PLXDC2: variants seen among roughly 807,000 people sequenced by gnomAD.
PLXDC2 encodes plexin domain containing 2, also known as plexin domain-containing protein 2.
A neutral mutation model predicts 68.9 loss-of-function variants in PLXDC2; 40 were observed. The observed-to-expected ratio is 0.58, with a 90% CI of 0.45 to 0.76. The LOEUF is 0.76. Ranked by LOEUF, PLXDC2 falls within the 30% of genes least tolerant of loss-of-function variation. The pLI, the probability that PLXDC2 is intolerant of heterozygous loss-of-function variation, is 0.00. For missense variants in PLXDC2, 644 were observed against 661.9 expected (o/e 0.97, Z 0.30); for synonymous variants, 243 against 234.2 (o/e 1.04, Z -0.34).
chr10:19,998,400 A>G (rs1834875827), intron 1 of PLXDC2, among the ~76,000 whole-genome samples: 1 of 152,208 alleles, frequency 6.6e-6, no homozygotes, highest in Non-Finnish European at 1.5e-5. Context: ...TCAAAATCTA[A>G]CTCAGTTTCA....
chr10:20,031,829 TTTATTTA>T (rs910507577), intron 2 of PLXDC2, among the ~76,000 whole-genome samples: 12 of 151,640 alleles, frequency 7.9e-5, no homozygotes, highest in African/African-American at 2.9e-4. Context: ...TATTTATTTA[TTTATTTA>T]TTATTTTGAG....
chr10:19,961,287 C>T (rs1834150842), intron 1 of PLXDC2, among the ~76,000 whole-genome samples: 3 of 152,196 alleles, frequency 2.0e-5, no homozygotes, highest in Non-Finnish European at 4.4e-5. Flanking sequence ...CAACATGCAT[C>T]ATGACAATCC....
rs1836195141 is a variant in PLXDC2 at position 20,288,962 on chromosome 10, T to C, written c.*9143T>C. ...GTAGGAGTCAACAAATTTGGGATTT[T>C]AGAAGGGGGAGGAGGGAGCTATTTG... On this transcript the variant is annotated 3_prime_UTR_variant, in exon 14 of 14. Transcript: ENST00000377252. 1 of 152,196 alleles carries C rather than the reference T, an allele frequency of 6.6e-6. No individual in the cohort carries two copies. The highest frequency in any genetic ancestry group is 1.5e-5 in the Non-Finnish European group (1 of 68,048). The allele number at this position is 152,196 out of a possible 1,614,324, so 9.4% of individuals were successfully genotyped here.
chr10:19,879,145 C>T (rs910408124), intron 1 of PLXDC2, among the ~76,000 whole-genome samples: 1 of 152,208 alleles, frequency 6.6e-6, no homozygotes, highest in South Asian at 2.1e-4. Flanking sequence ...AAATAACATC[C>T]CTTCATTTAG....
intron 10 of PLXDC2, among the ~76,000 whole-genome samples, chr10:20,216,117 A>AAAAAAAAT (rs1564356622): frequency 1.3e-5 from 2 of 151,682 alleles, no homozygotes; most frequent in Admixed American, 1.3e-4. Context: ...TAAAAAAAAA[A>AAAAAAAAT]AAAAATAAAA....
chr10:20,164,857 C>T (rs879418395), intron 7 of PLXDC2, among the ~76,000 whole-genome samples: 4 of 151,966 alleles, frequency 2.6e-5, no homozygotes, highest in Non-Finnish European at 5.9e-5. Flanking sequence ...ACTCTGTCAC[C>T]CAGGCTGGAG....
chr10:20,021,047 G>A (rs776589626), intron 2 of PLXDC2, among the ~76,000 whole-genome samples: 1 of 152,060 alleles, frequency 6.6e-6, no homozygotes, highest in African/African-American at 2.4e-5. Flanking sequence ...ATTTTTAAAC[G>A]TCACTAAACA....
chr10:19,902,768 A>G (rs138955298), intron 1 of PLXDC2, among the ~76,000 whole-genome samples: 3 of 152,118 alleles, frequency 2.0e-5, no homozygotes, highest in Non-Finnish European at 4.4e-5. Flanking sequence ...GTTCTCAGGG[A>G]GAATGCTTTC....
intron 1 of PLXDC2, among the ~76,000 whole-genome samples, chr10:19,857,267 G>A (rs1280862787): frequency 6.6e-6 from 1 of 152,054 alleles, no homozygotes; most frequent in Non-Finnish European, 1.5e-5. Context: ...TCACTTTTTA[G>A]ATTTCAATGA....
chr10:19,955,246 C>G (rs1204325382), intron 1 of PLXDC2, among the ~76,000 whole-genome samples: 2 of 149,932 alleles, frequency 1.3e-5, no homozygotes, highest in Admixed American at 6.7e-5. Context: ...GTTTCCCAAG[C>G]TGGCCTCAAA....
At chr10:19,884,852 C>A (rs1335072737) in intron 1 of PLXDC2, among the ~76,000 whole-genome samples, 2 of 152,136 alleles carry the variant, frequency 1.3e-5, no homozygotes, top group African/African-American at 4.8e-5. Context: ...ATTTATAGTC[C>A]TTTGGGTATA....
chr10:19,941,441 G>A (rs906352973), intron 1 of PLXDC2, among the ~76,000 whole-genome samples: 6 of 152,148 alleles, frequency 3.9e-5, no homozygotes, highest in African/African-American at 7.2e-5. Flanking sequence ...GCAGCTGGTC[G>A]TTTCACAGCA....
At chr10:20,034,119 C>A (rs983007653) in intron 2 of PLXDC2, among the ~76,000 whole-genome samples, 1 of 152,098 alleles carries the variant, frequency 6.6e-6, no homozygotes, top group African/African-American at 2.4e-5. Flanking sequence ...CATTGTTTTA[C>A]CATTTTGAAA....
chr10:20,231,647 CT>C (rs373040608), intron 12 of PLXDC2, among the ~76,000 whole-genome samples: 83 of 150,444 alleles, frequency 5.5e-4, no homozygotes, highest in Non-Finnish European at 1.0e-3. Context: ...CAGTCATAAG[CT>C]TTTTTTTTGA....
intron 7 of PLXDC2, among the ~76,000 whole-genome samples, chr10:20,175,281 T>A (rs1834511003): frequency 6.6e-6 from 1 of 152,164 alleles, no homozygotes; most frequent in African/African-American, 2.4e-5. Flanking sequence ...CCCTGTTTTA[T>A]AGATAAGGAA....
chr10:19,985,196 A>T (rs967568168), intron 1 of PLXDC2, among the ~76,000 whole-genome samples: 1 of 152,222 alleles, frequency 6.6e-6, no homozygotes, highest in Non-Finnish European at 1.5e-5. Context: ...CCTCAGACAC[A>T]GTCTCTGTTT....
At chr10:20,208,866 C>T (rs369234363) in intron 9 of PLXDC2, among the ~76,000 whole-genome samples, 14 of 152,098 alleles carry the variant, frequency 9.2e-5, no homozygotes, top group African/African-American at 2.9e-4. Context: ...GGGGAGACAT[C>T]ACATGTCGGC....
At chr10:20,013,766 G>A (rs1483909268) in intron 2 of PLXDC2, among the ~76,000 whole-genome samples, 2 of 152,100 alleles carry the variant, frequency 1.3e-5, no homozygotes, top group African/African-American at 2.4e-5. Context: ...AGGTATAAAT[G>A]ATCATCTTCT....
At chr10:19,943,124 T>C (rs901730445) in intron 1 of PLXDC2, among the ~76,000 whole-genome samples, 5 of 152,300 alleles carry the variant, frequency 3.3e-5, no homozygotes, top group African/African-American at 2.4e-5. Flanking sequence ...TGGCTGAAGA[T>C]CAAACGTAGG....
Sources: allele counts gnomAD v4.1 joint callset (sites outside exome capture counted in the v4.1 genomes callset), GRCh38; gene constraint gnomAD v4.1.1; transcripts MANE v1.5; gene names NCBI Gene and HGNC (gene_info 2026-07-23, HGNC 2026-07-21).